The following ZNF471 variants were observed in gnomAD, a reference collection of about 807,000 sequenced individuals.
ZNF471 encodes EZFIT-related protein 1.
In ZNF471, 7 loss-of-function variants were observed where a neutral mutation model predicts 13.7. The observed-to-expected ratio is 0.51, with a 90% CI of 0.29 to 0.96. ZNF471 has a LOEUF of 0.96. Ranked by LOEUF, ZNF471 falls within the 40% of genes least tolerant of loss-of-function variation. ZNF471 has a pLI of 0.08. For synonymous variants in ZNF471, 218 were observed against 235.6 expected, an observed-to-expected ratio of 0.93 and a Z score of 0.68; for missense variants, 663 against 743.3, an observed-to-expected ratio of 0.89 and a Z score of 1.26.
chr19:56,524,503 A>G lies in ZNF471; in HGVS notation c.436A>G (p.Ile146Val), dbSNP rs1329792166. The G allele has an allele frequency of 8.7e-6, 14 of 1,609,202 alleles. No homozygotes were observed. Among genetic ancestry groups the G allele is most frequent in the East Asian group, 2.2e-5 (1 of 44,842 alleles). Residue 146 changes from isoleucine to valine, a missense_variant, in exon 5 of 5, where the codon ATA becomes GTA. Ile to Val is a conservative substitution (Grantham distance 29, BLOSUM62 3). Coordinates refer to ENST00000308031, the MANE Select transcript of ZNF471 (RefSeq NM_020813.4). The surrounding 1 kb of genome is among the most constrained non-coding windows in gnomAD (Gnocchi z 4.8). Reference sequence around the variant, plus strand: ...TCATGAGATGTTTAGCAAGAAAGAAATAATCACTCATAAAGAAACCATCAC... The same window carrying G: ...TCATGAGATGTTTAGCAAGAAAGAAGTAATCACTCATAAAGAAACCATCAC... Reference protein sequence around the residue: ...GSHEMFSKKEIITHKETITKE... With the variant: ...GSHEMFSKKEVITHKETITKE...
rs1490765116 is a variant in ZNF471 at position 56,529,754 on chromosome 19, C to T, written c.*3806C>T. On this transcript the variant is annotated 3_prime_UTR_variant, in exon 5 of 5. Transcript: ENST00000308031. ...GTAAAAGTCCTCATCCCCACCAACA[C>T]AAACCAGCAGAAATTTTATGTGAAT... 6.6e-6 allele frequency: 1 copy of T among 152,188 alleles called. No homozygotes were observed. The highest frequency in any genetic ancestry group is 1.5e-5 in the Non-Finnish European group (1 of 68,024). The allele number at this position is 152,188 out of a possible 1,614,324, so 9.4% of individuals were successfully genotyped here.
At chr19:56,520,406 G>A (rs910681771) in intron 4 of ZNF471, among the ~76,000 whole-genome samples, 5 of 152,214 alleles carry the variant, frequency 3.3e-5, no homozygotes, top group Admixed American at 3.3e-4. Context: ...TGAGAAAACA[G>A]TAGATGATGG....
chr19:56,529,534 G>A lies in ZNF471; in HGVS notation c.*3586G>A, dbSNP rs910521533. The A allele has an allele frequency of 2.0e-5, 3 of 152,182 alleles. No homozygotes were observed. The highest frequency in any genetic ancestry group is 7.2e-5 in the African/African-American group (3 of 41,450). The allele number at this position is 152,182 out of a possible 1,614,324, so 9.4% of individuals were successfully genotyped here. A position where few individuals can be genotyped will look rare whatever the true frequency, so the allele number is the denominator to read the frequency against. ...AAGATACTGTATGCAAAGTTAAAAG[G>A]CATATGACAGGCTGAGAGATATCTT... On this transcript the variant is annotated 3_prime_UTR_variant, in exon 5 of 5. Transcript: ENST00000308031.
At position 56,510,421 on chromosome 19, in the gene ZNF471, T is replaced by A; in HGVS notation, c.-55-1096T>A. ...TGTGTTATCCAAAAGGCTTTACAAA[T>A]ATAACCTCTGTGAGGTTGTGAAGCA... On this transcript the variant is annotated intron_variant, in intron 1 of 4. Coordinates refer to ENST00000308031, the MANE Select transcript of ZNF471 (RefSeq NM_020813.4). This position sits in a 1 kb window ranked among gnomAD's most constrained non-coding sequence, Gnocchi z 4.3. 2.0e-6 allele frequency: 2 copies of A among 985,550 alleles called. No homozygotes were observed. Among genetic ancestry groups the A allele is most frequent in the Non-Finnish European group, 2.4e-6 (2 of 829,932 alleles). 61.1% of individuals were successfully genotyped at this position (985,550 alleles called of 1,614,324 possible). A position where few individuals can be genotyped will look rare whatever the true frequency, so the allele number is the denominator to read the frequency against.
chr19:56,522,765 T>C lies in ZNF471; in HGVS notation c.257-1559T>C, dbSNP rs2043990484. On this transcript the variant is annotated intron_variant, in intron 4 of 4. Transcript: ENST00000308031. This position sits in a 1 kb window ranked among gnomAD's most constrained non-coding sequence, Gnocchi z 4.1. ...CTTTTTTTTTTTTTGAGATGGAGTT[T>C]CATTCTTGTCACCCAGGCTGGAGTG... Among the ~76,000 whole-genome samples, 4 of 151,916 alleles carry C rather than the reference T, an allele frequency of 2.6e-5. No homozygotes were observed. The highest frequency in any genetic ancestry group is 2.6e-4 in the Admixed American group (4 of 15,252).
intron 4 of ZNF471, among the ~76,000 whole-genome samples, chr19:56,523,110 A>G (rs527760718): frequency 2.6e-5 from 4 of 152,312 alleles, no homozygotes; most frequent in Admixed American, 2.0e-4. Flanking sequence ...TAAGAAAGTT[A>G]CTCGTGGTAG....
Position 56,525,212 on chromosome 19 carries a change from A to G in ZNF471, c.1145A>G (p.Lys382Arg). 6.2e-7 allele frequency: 1 copy of G among 1,614,146 alleles called. No homozygotes were observed. Among genetic ancestry groups the G allele is most frequent in the Non-Finnish European group, 8.5e-7 (1 of 1,180,022 alleles). Residue 382 changes from lysine (K) to arginine (R), a missense_variant, in exon 5 of 5, where the codon AAA becomes AGA. By Grantham distance (26) the Lys-to-Arg change is conservative. Transcript: ENST00000308031. ...CCTTTTAATTGCATTGATTGTGGGA[A>G]AGCCTTCAGTGTTCACATAGGACTT... ...EKPFNCIDCG[K>R]AFSVHIGLIL...
chr19:56,512,000 A>C lies in ZNF471; in HGVS notation c.33+396A>C, dbSNP rs148493633. ...ATTCCTCTACCTGAAGTTTTCTCCAAATCTCTAATTATGTCCTTAAGATAA... is the reference window on the plus strand; with the variant it reads ...ATTCCTCTACCTGAAGTTTTCTCCACATCTCTAATTATGTCCTTAAGATAA... On this transcript the variant is annotated intron_variant, in intron 2 of 4. Coordinates refer to ENST00000308031, the MANE Select transcript of ZNF471 (RefSeq NM_020813.4). 1.9e-3 allele frequency among the ~76,000 whole-genome samples: 289 copies of C among 152,240 alleles called. 3 individuals are homozygous for C. In the East Asian group the frequency reaches 0.042, roughly 22 times the overall value.
At position 56,511,602 on chromosome 19, in the gene ZNF471, C is replaced by A. The variant is rs2147903710; in HGVS notation, c.31C>A (p.Gln11Lys). Residue 11 changes from glutamine (Q) to lysine (K), a missense_variant and splice_region_variant, in exon 2 of 5, where the codon CAG becomes AAG. By Grantham distance (53) the Gln-to-Lys change is moderately conservative. Coordinates refer to ENST00000308031, the MANE Select transcript of ZNF471 (RefSeq NM_020813.4). MNVEVVKVMP[Q>K]DLVTFKDVAI... Reference sequence around the variant, plus strand: ...TGTTGAAGTAGTAAAAGTCATGCCCCAGGTTAGTGGATATTTTCTTTCTCT... The same window carrying A: ...TGTTGAAGTAGTAAAAGTCATGCCCAAGGTTAGTGGATATTTTCTTTCTCT... 1.9e-6 allele frequency: 3 copies of A among 1,612,078 alleles called. No individual in the cohort carries two copies. In the East Asian group the frequency reaches 6.7e-5, roughly 36 times the overall value.
At chr19:56,512,477 ATTTACATTACATT>A (rs2043825138) in intron 2 of ZNF471, among the ~76,000 whole-genome samples, 1 of 152,012 alleles carries the variant, frequency 6.6e-6, no homozygotes, top group Non-Finnish European at 1.5e-5. Context: ...TTTACATTTA[ATTTACATTACATT>A]TTTACATTAC....
At chr19:56,520,494 A>G (rs1053068711) in intron 4 of ZNF471, among the ~76,000 whole-genome samples, 6 of 152,192 alleles carry the variant, frequency 3.9e-5, no homozygotes, top group African/African-American at 1.4e-4. Context: ...TGATTAGTTC[A>G]TTAACCCCAC....
At chr19:56,511,167 CA>C (rs1419921195) in intron 1 of ZNF471, among the ~76,000 whole-genome samples, 1 of 150,196 alleles carries the variant, frequency 6.7e-6, no homozygotes, top group African/African-American at 2.4e-5. Flanking sequence ...AGTAGACTTT[CA>C]AAGCATGAAG....
chr19:56,524,670 A>G lies in ZNF471; in HGVS notation c.603A>G (p.Val201=), dbSNP rs112035449. The G allele has an allele frequency of 1.9e-6, 3 of 1,580,046 alleles. No homozygotes were observed. The highest frequency in any genetic ancestry group is 2.4e-5 in the South Asian group (2 of 84,344). ...TAATAAAACACAAGAAAGTCTATGT[A>G]GGAAAGAAGCTTTTTAAATGTAATG... ...SMVIKHKKVY[V]GKKLFKCNEC... is the part of the protein sequence containing the mutation. The change falls in exon 5 of 5, where the codon GTA becomes GTG. Residue 201 remains valine (V), a synonymous_variant. Coordinates refer to ENST00000308031, the MANE Select transcript of ZNF471 (RefSeq NM_020813.4). This position sits in a 1 kb window ranked among gnomAD's most constrained non-coding sequence, Gnocchi z 4.8.
rs187154242 is a variant in ZNF471 at position 56,526,381 on chromosome 19, G to A, written c.*433G>A. ...GGTCTTCGCAACCCACAGACCAGGAGATCCCCCTTGGGTGCCTATGCCACC... is the reference window on the plus strand; with the variant it reads ...GGTCTTCGCAACCCACAGACCAGGAAATCCCCCTTGGGTGCCTATGCCACC... On this transcript the variant is annotated 3_prime_UTR_variant, in exon 5 of 5. Coordinates refer to ENST00000308031, the MANE Select transcript of ZNF471 (RefSeq NM_020813.4). 1,300 of 127,710 alleles carry A rather than the reference G, an allele frequency of 0.01. 10 individuals carry two copies. Among genetic ancestry groups the A allele is most frequent in the South Asian group, 0.039 (175 of 4,516 alleles). The allele number at this position is 127,710 out of a possible 1,614,324, so 7.9% of individuals were successfully genotyped here.
intron 3 of ZNF471, among the ~76,000 whole-genome samples, chr19:56,517,752 A>G (rs1471566071): frequency 6.6e-6 from 1 of 152,170 alleles, no homozygotes; most frequent in Non-Finnish European, 1.5e-5. Context: ...AGATTGGATA[A>G]TTTCTGTTGA....
rs34707423 is a variant in ZNF471 at position 56,509,714 on chromosome 19, GGTGTGTGTGTGTGTGTGTGTGTGT to G, written c.-55-1786_-55-1763del. 3.0e-4 allele frequency: 53 copies of G among 178,330 alleles called. 3 individuals carry two copies. The highest frequency in any genetic ancestry group is 1.7e-4 in the Non-Finnish European group (17 of 98,788). The allele number at this position is 178,330 out of a possible 1,614,324, so 11.0% of individuals were successfully genotyped here. On this transcript the variant is annotated intron_variant, in intron 1 of 4. Coordinates refer to ENST00000308031, the MANE Select transcript of ZNF471 (RefSeq NM_020813.4). ...TCACTGAAGAACTTATTGCTTGCCT[GGTGTGTGTGTGTGTGTGTGTGTGT>G]GTGTGTGTGTGTGTGTAGATCCCCA...
In ZNF471 at chr19:56,508,268, C is replaced by T. The variant is rs2043761638; in HGVS notation, c.-56+348C>T. 2.5e-6 allele frequency: 2 copies of T among 791,426 alleles called. No homozygotes were observed. Among genetic ancestry groups the T allele is most frequent in the Non-Finnish European group, 3.0e-6 (2 of 659,738 alleles). 49.0% of individuals were successfully genotyped at this position (791,426 alleles called of 1,614,324 possible). A position where few individuals can be genotyped will look rare whatever the true frequency, so the allele number is the denominator to read the frequency against. ...GTGTGTGTGTGACAGACCGAGAGTC[C>T]AGTGTGAGACCAGGGTATGTTCGTG... On this transcript the variant is annotated intron_variant, in intron 1 of 4. Coordinates refer to ENST00000308031, the MANE Select transcript of ZNF471 (RefSeq NM_020813.4). This position sits in a 1 kb window ranked among gnomAD's most constrained non-coding sequence, Gnocchi z 4.7.
At chr19:56,509,774 C>A in intron 1 of ZNF471, 1 of 684,948 alleles carries the variant, frequency 1.5e-6, no homozygotes, top group Non-Finnish European at 1.8e-6. Flanking sequence ...CACATCTGGT[C>A]TTAGAACTGT....
At chr19:56,512,705 T>C (rs1315745516) in intron 2 of ZNF471, among the ~76,000 whole-genome samples, 1 of 152,154 alleles carries the variant, frequency 6.6e-6, no homozygotes, top group Non-Finnish European at 1.5e-5. Flanking sequence ...TTAAATATTA[T>C]ATTGCACATG....
Sources: allele counts gnomAD v4.1 joint callset (sites outside exome capture counted in the v4.1 genomes callset), GRCh38; gene constraint gnomAD v4.1.1; non-coding constraint Gnocchi (gnomAD v3.1); transcripts MANE v1.5; gene names NCBI Gene and HGNC (gene_info 2026-07-23, HGNC 2026-07-21).